LINGO2: variants seen among roughly 807,000 people sequenced by gnomAD.
LINGO2 encodes the protein leucine-rich repeat and immunoglobulin-like domain-containing nogo receptor-interacting protein 2.
A neutral mutation model predicts 30.6 loss-of-function variants in LINGO2; 14 were observed. That is an observed-to-expected ratio of 0.46 (90% CI 0.30 to 0.72). The LOEUF is 0.72. LINGO2 is among the 30% of genes least tolerant of loss of function. LINGO2 has a pLI of 0.07. For missense variants in LINGO2, 729 were observed against 751.7 expected (o/e 0.97, Z 0.35); for synonymous variants, 317 against 288.5 (o/e 1.10, Z -1.00).
chr9:29,002,164 G>T, the LINGO2 span, among the ~76,000 whole-genome samples: 1 of 151,714 alleles, frequency 6.6e-6, no homozygotes, highest in South Asian at 2.1e-4. Flanking sequence ...CTCAAAGATG[G>T]GTATATTCTT....
intron 1 of LINGO2, among the ~76,000 whole-genome samples, chr9:28,669,509 CA>C (rs1828934467): frequency 6.6e-6 from 1 of 151,880 alleles, no homozygotes; most frequent in Non-Finnish European, 1.5e-5. Context: ...AAAGAAAACA[CA>C]GTTGTAAATG....
intron 4 of LINGO2, among the ~76,000 whole-genome samples, chr9:28,183,123 C>T (rs937759986): frequency 2.0e-5 from 3 of 152,090 alleles, no homozygotes; most frequent in African/African-American, 7.2e-5. Context: ...ACTGTGCAGC[C>T]ATAAAAAGGA....
chr9:28,879,271 G>A, the LINGO2 span, among the ~76,000 whole-genome samples: 3 of 152,074 alleles, frequency 2.0e-5, no homozygotes, highest in African/African-American at 7.2e-5. Flanking sequence ...ATAGGAGAGT[G>A]AAACAAGGGT....
intron 4 of LINGO2, among the ~76,000 whole-genome samples, chr9:28,022,181 A>G (rs1272975112): frequency 6.6e-6 from 1 of 152,076 alleles, no homozygotes; most frequent in Non-Finnish European, 1.5e-5. Flanking sequence ...ATAAAGTCCA[A>G]TTTCAAATAC....
At chr9:28,940,035 T>C in the LINGO2 span, among the ~76,000 whole-genome samples, 1 of 152,200 alleles carries the variant, frequency 6.6e-6, no homozygotes, top group Non-Finnish European at 1.5e-5. Flanking sequence ...ATAAAAATAA[T>C]TTATGAAGCA....
Position 28,603,963 on chromosome 9 carries a change from C to G in LINGO2, c.-365+66237G>C, listed in dbSNP as rs1231492832. 2.0e-5 allele frequency among the ~76,000 whole-genome samples: 3 copies of G among 152,048 alleles called. No homozygotes were observed. The East Asian group carries it at 5.8e-4, about 29-fold the overall frequency. ...ATAAACATTGTTTCTTCTGTTTTCT[C>G]TACTTCAGTGTTTTACTCTTTTAAT... On this transcript the variant is annotated intron_variant, in intron 1 of 5. Transcript: ENST00000379992.
At chr9:27,951,290 G>A (rs1444030138) in intron 5 of LINGO2, among the ~76,000 whole-genome samples, 2 of 152,152 alleles carry the variant, frequency 1.3e-5, no homozygotes, top group Non-Finnish European at 2.9e-5. Context: ...GAATTTTAAT[G>A]TACGCATCTT....
intron 4 of LINGO2, among the ~76,000 whole-genome samples, chr9:28,271,862 A>C (rs955917335): frequency 5.2e-4 from 79 of 152,288 alleles, no homozygotes; most frequent in African/African-American, 1.6e-3. Context: ...TTGTTAGAAA[A>C]TAGAAAAACA....
the LINGO2 span, among the ~76,000 whole-genome samples, chr9:28,732,547 T>A: frequency 6.6e-6 from 1 of 152,242 alleles, no homozygotes; most frequent in African/African-American, 2.4e-5. Flanking sequence ...CTTACATTTT[T>A]TCTTTAAAGA....
chr9:29,193,959 G>A, the LINGO2 span, among the ~76,000 whole-genome samples: 2 of 152,190 alleles, frequency 1.3e-5, no homozygotes, highest in Non-Finnish European at 2.9e-5. Context: ...AATCACTGCA[G>A]TCTGAGATGA....
intron 5 of LINGO2, among the ~76,000 whole-genome samples, chr9:27,997,712 A>G (rs1006274121): frequency 6.6e-6 from 1 of 152,216 alleles, no homozygotes; most frequent in African/African-American, 2.4e-5. Flanking sequence ...GATCTTTGCA[A>G]AAATGTATCT....
At chr9:28,739,553 G>A in the LINGO2 span, among the ~76,000 whole-genome samples, 2 of 151,652 alleles carry the variant, frequency 1.3e-5, no homozygotes, top group Non-Finnish European at 3.0e-5. Flanking sequence ...AGAACAAAAG[G>A]AATAAATTTC....
chr9:28,268,896 T>G (rs1171136185), intron 4 of LINGO2, among the ~76,000 whole-genome samples: 2 of 152,180 alleles, frequency 1.3e-5, no homozygotes, highest in African/African-American at 4.8e-5. Context: ...AATCCACAGT[T>G]TGGTATACAA....
At chr9:28,950,622 T>C in the LINGO2 span, among the ~76,000 whole-genome samples, 4 of 151,910 alleles carry the variant, frequency 2.6e-5, no homozygotes, top group Non-Finnish European at 5.9e-5. Context: ...GAGAGGCAAA[T>C]CATGAGTGAA....
chr9:28,483,493 T>C (rs112093979), intron 1 of LINGO2, among the ~76,000 whole-genome samples: 3 of 151,980 alleles, frequency 2.0e-5, no homozygotes, highest in Non-Finnish European at 2.9e-5. Context: ...TTTGTGCTCA[T>C]TGAAATCTGT....
intron 2 of LINGO2, among the ~76,000 whole-genome samples, chr9:28,403,314 T>C (rs1475661920): frequency 2.6e-5 from 4 of 152,138 alleles, no homozygotes; most frequent in African/African-American, 2.4e-5. Context: ...GGAGTATTTA[T>C]TCCCGAGGCT....
chr9:28,073,581 T>C (rs970491466), intron 4 of LINGO2, among the ~76,000 whole-genome samples: 1 of 152,214 alleles, frequency 6.6e-6, no homozygotes, highest in Non-Finnish European at 1.5e-5. Context: ...ACATTCTTGT[T>C]CGTTTACAGA....
chr9:29,060,499 AT>A, the LINGO2 span, among the ~76,000 whole-genome samples: 1 of 152,048 alleles, frequency 6.6e-6, no homozygotes, highest in African/African-American at 2.4e-5. Flanking sequence ...ACAACATATT[AT>A]TTTAAATGTC....
the LINGO2 span, among the ~76,000 whole-genome samples, chr9:29,138,429 C>T: frequency 1.3e-5 from 2 of 152,126 alleles, no homozygotes; most frequent in Non-Finnish European, 2.9e-5. Context: ...CAGGTTCACA[C>T]ACTCATCCCA....
Sources: allele counts gnomAD v4.1 joint callset (sites outside exome capture counted in the v4.1 genomes callset), GRCh38; gene constraint gnomAD v4.1.1; transcripts MANE v1.5; gene names NCBI Gene and HGNC (gene_info 2026-07-23, HGNC 2026-07-21).